The following ROBO2 variants were observed in gnomAD, a reference collection of about 807,000 sequenced individuals.
ROBO2 encodes roundabout guidance receptor 2, also known as roundabout homolog 2.
A neutral mutation model predicts 160.8 loss-of-function variants in ROBO2; 53 were observed. The observed-to-expected ratio is 0.33, with a 90% CI of 0.26 to 0.41. The LOEUF (loss-of-function observed/expected upper bound fraction) is 0.41, where lower values mean the gene tolerates loss of function less well. Among genes scored for constraint, ROBO2 ranks in the 10% least tolerant of loss-of-function variants. ROBO2 has a pLI of 1.00. For missense variants in ROBO2, 1,577 were observed against 1,722.4 expected (o/e 0.92, Z 1.49); for synonymous variants, 664 against 611.7 (o/e 1.09, Z -1.26).
At chr3:76,774,814 C>CTT (rs5850290) in intron 2 of ROBO2, among the ~76,000 whole-genome samples, 278 of 145,708 alleles carry the variant, frequency 1.9e-3, no homozygotes, top group Middle Eastern at 7.1e-3. Context: ...AGAATATCCT[C>CTT]TTTTTTTTTT....
intron 2 of ROBO2, among the ~76,000 whole-genome samples, chr3:76,315,238 A>C (rs377032296): frequency 9.9e-5 from 15 of 152,212 alleles, no homozygotes; most frequent in African/African-American, 3.6e-4. Flanking sequence ...CACTTATGAC[A>C]TGAGAGTTAA....
Position 76,514,709 on chromosome 3 carries a change from C to T in ROBO2, c.109+577107C>T, listed in dbSNP as rs78885754. Among the ~76,000 whole-genome samples the T allele has an allele frequency of 8.0e-4, 121 of 152,166 alleles. No homozygotes were observed. The East Asian group carries it at 0.022, about 28-fold the overall frequency. On this transcript the variant is annotated intron_variant, in intron 2 of 26. Transcript: ENST00000487694. ...TCTAAATGTCAGTTTTCCCTGAAAT[C>T]CCACCTTCAACTCACTTTCTCTAGC...
Position 76,739,375 on chromosome 3 carries a change from C to G in ROBO2, c.110-358639C>G, listed in dbSNP as rs147890172. Among the ~76,000 whole-genome samples, 987 of 150,484 alleles carry G rather than the reference C, an allele frequency of 6.6e-3. 6 individuals are homozygous for G. The highest frequency in any genetic ancestry group is 0.024 in the Middle Eastern group (7 of 292). On this transcript the variant is annotated intron_variant, in intron 2 of 26. Coordinates refer to the ROBO2 transcript ENST00000487694. ...AATCATCATTCTCAGCAAACTATCACAAGGACAAAAAACCAAACACTGCAT... is the reference window on the plus strand; with the variant it reads ...AATCATCATTCTCAGCAAACTATCAGAAGGACAAAAAACCAAACACTGCAT...
intron 2 of ROBO2, among the ~76,000 whole-genome samples, chr3:77,440,975 G>A (rs62249853): frequency 0.079 from 12,062 of 151,850 alleles, 559 homozygotes; most frequent in African/African-American, 0.11. Flanking sequence ...CTCTTTTCTT[G>A]CCCTAATTCT....
chr3:76,231,487 T>G (rs2107471786), intron 2 of ROBO2, among the ~76,000 whole-genome samples: 1 of 152,318 alleles, frequency 6.6e-6, no homozygotes, highest in East Asian at 1.9e-4. Context: ...AATTTCATTT[T>G]TTCTTTGATG....
At chr3:76,273,710 G>T (rs1333597666) in intron 2 of ROBO2, among the ~76,000 whole-genome samples, 1 of 152,016 alleles carries the variant, frequency 6.6e-6, no homozygotes, top group African/African-American at 2.4e-5. Context: ...ACTCACTCAC[G>T]ATCATGAGCA....
In ROBO2 at chr3:76,212,510, T is replaced by A. The variant is rs142661412; in HGVS notation, c.109+274908T>A. Among the ~76,000 whole-genome samples, 232 of 152,186 alleles carry A rather than the reference T, an allele frequency of 1.5e-3. 2 individuals are homozygous for A. Among genetic ancestry groups the A allele is most frequent in the African/African-American group, 5.5e-3 (228 of 41,560 alleles). On this transcript the variant is annotated intron_variant, in intron 2 of 26. Transcript: ENST00000487694. ...GAGGAAACTAAAAACTTAATGTTCT[T>A]AGCAATTAGATTTTTTGTTTTTTAT...
At chr3:76,594,263 A>C (rs936468432) in intron 2 of ROBO2, among the ~76,000 whole-genome samples, 33 of 152,040 alleles carry the variant, frequency 2.2e-4, no homozygotes, top group African/African-American at 8.0e-4. Context: ...TTCCTAACCT[A>C]ACCTAATGCT....
chr3:77,380,636 C>T (rs1268700942), intron 2 of ROBO2, among the ~76,000 whole-genome samples: 2 of 151,612 alleles, frequency 1.3e-5, no homozygotes, highest in African/African-American at 4.9e-5. Flanking sequence ...GGCTAAAGTG[C>T]ACCTTCTTTT....
At chr3:77,169,419 A>G (rs924896572) in intron 2 of ROBO2, among the ~76,000 whole-genome samples, 1 of 152,180 alleles carries the variant, frequency 6.6e-6, no homozygotes, top group Non-Finnish European at 1.5e-5. Context: ...AAAAAGAGAT[A>G]ATCAGAATAC....
At chr3:76,328,187 A>C (rs1276137725) in intron 2 of ROBO2, among the ~76,000 whole-genome samples, 1 of 152,210 alleles carries the variant, frequency 6.6e-6, no homozygotes, top group Admixed American at 6.5e-5. Context: ...TGTCACTAGA[A>C]GTTTGAGCAG....
chr3:76,984,556 C>T (rs143939995), intron 2 of ROBO2, among the ~76,000 whole-genome samples: 36 of 152,176 alleles, frequency 2.4e-4, no homozygotes, highest in African/African-American at 8.4e-4. Flanking sequence ...AAGCAGTTAC[C>T]GAAATCCAGA....
chr3:77,040,563 A>C, exon 1 of ROBO2: 2 of 1,415,158 alleles, frequency 1.4e-6, no homozygotes, highest in Non-Finnish European at 1.8e-6. Flanking sequence ...GAAATACAGC[A>C]GCCTTTGAAG....
chr3:75,994,104 C>T (rs1429494351), intron 2 of ROBO2, among the ~76,000 whole-genome samples: 1 of 152,082 alleles, frequency 6.6e-6, no homozygotes, highest in Non-Finnish European at 1.5e-5. Context: ...GTATAGGGCT[C>T]TGTGGGACTG....
intron 2 of ROBO2, among the ~76,000 whole-genome samples, chr3:76,038,241 A>G (rs2067176970): frequency 6.6e-6 from 1 of 152,130 alleles, no homozygotes; most frequent in African/African-American, 2.4e-5. Flanking sequence ...AATTTGGGTT[A>G]CTTCAGTCTA....
At position 76,305,376 on chromosome 3, in the gene ROBO2, G is replaced by T. The variant is rs138339648; in HGVS notation, c.109+367774G>T. 5.2e-3 allele frequency among the ~76,000 whole-genome samples: 472 copies of T among 91,050 alleles called. 12 individuals carry two copies. The Admixed American group carries it at 0.061, about 12-fold the overall frequency. 59.7% of individuals were successfully genotyped at this position (91,050 alleles called of 152,430 possible). A position where few individuals can be genotyped will look rare whatever the true frequency, so the allele number is the denominator to read the frequency against. ...ACTGCACTTCAGCCTGGGTGACAGAGCAAGATCTGTCAAAAAAAAAAAAAA... is the reference window on the plus strand; with the variant it reads ...ACTGCACTTCAGCCTGGGTGACAGATCAAGATCTGTCAAAAAAAAAAAAAA... On this transcript the variant is annotated intron_variant, in intron 2 of 26. Transcript: ENST00000487694.
At chr3:76,543,005 G>T (rs1201052386) in intron 2 of ROBO2, among the ~76,000 whole-genome samples, 4 of 151,876 alleles carry the variant, frequency 2.6e-5, no homozygotes, top group Non-Finnish European at 5.9e-5. Context: ...TTCTCTTTTT[G>T]TCTTTCCCTC....
intron 2 of ROBO2, among the ~76,000 whole-genome samples, chr3:76,024,194 G>A (rs944554393): frequency 6.6e-6 from 1 of 151,260 alleles, no homozygotes; most frequent in Non-Finnish European, 1.5e-5. Context: ...ACATTAAAAT[G>A]AGCCATGACT....
intron 2 of ROBO2, among the ~76,000 whole-genome samples, chr3:76,306,530 T>C (rs1046621648): frequency 1.3e-5 from 2 of 152,114 alleles, no homozygotes; most frequent in Non-Finnish European, 2.9e-5. Flanking sequence ...ATTATGGAGA[T>C]TCCTAAATCT....
Sources: allele counts gnomAD v4.1 joint callset (sites outside exome capture counted in the v4.1 genomes callset), GRCh38; gene constraint gnomAD v4.1.1; transcripts MANE v1.5; gene names NCBI Gene and HGNC (gene_info 2026-07-23, HGNC 2026-07-21).